Variants in ING3 observed in about 807,000 individuals in gnomAD.
ING3 encodes inhibitor of growth family member 3.
ING3 carries 6 observed loss-of-function variants against 64.8 expected under a neutral mutation model. That is an observed-to-expected ratio of 0.09 (90% confidence interval 0.05 to 0.18). The LOEUF is 0.18. ING3 is among the 10% of genes least tolerant of loss of function. ING3 has a pLI of 1.00. For missense variants in ING3, 310 were observed against 489.7 expected, an observed-to-expected ratio of 0.63 and a Z score of 3.46; for synonymous variants, 170 against 173.7, an observed-to-expected ratio of 0.98 and a Z score of 0.17.
chr7:120,971,968 T>A (rs1237885756), intron 10 of ING3, among the ~76,000 whole-genome samples: 1 of 152,144 alleles, frequency 6.6e-6, no homozygotes. Context: ...TTATGATTGT[T>A]TTAAATACAC....
At chr7:120,968,736 C>G (rs1448617526) in intron 8 of ING3, among the ~76,000 whole-genome samples, 1 of 150,784 alleles carries the variant, frequency 6.6e-6, no homozygotes, top group Non-Finnish European at 1.5e-5. Flanking sequence ...ATCCCAGCTA[C>G]TCGGTAGGCT....
intron 4 of ING3, chr7:120,956,661 G>A: frequency 1.0e-6 from 1 of 986,232 alleles, no homozygotes; most frequent in South Asian, 4.7e-5. Flanking sequence ...AGAATAGGCT[G>A]TAGCTTGATT....
intron 8 of ING3, 59 bp downstream of exon 8, chr7:120,968,150 T>A: frequency 6.8e-7 from 1 of 1,461,754 alleles, no homozygotes; most frequent in Non-Finnish European, 9.4e-7. Context: ...ATTGGAAACC[T>A]AATAGAAATA....
chr7:120,965,646 T>C (rs1795988030), intron 5 of ING3, among the ~76,000 whole-genome samples: 1 of 152,198 alleles, frequency 6.6e-6, no homozygotes. Flanking sequence ...TGTACCTGTT[T>C]CTACACACAG....
intron 2 of ING3, among the ~76,000 whole-genome samples, chr7:120,953,047 G>T (rs1228201843): frequency 6.6e-6 from 1 of 152,052 alleles, no homozygotes; most frequent in Non-Finnish European, 1.5e-5. Context: ...ATAGTATAGA[G>T]CCTATCTACT....
chr7:120,967,892 G>A, intron 7 of ING3, 42 bp from the exon 8 acceptor site: 13 of 1,598,026 alleles, frequency 8.1e-6, no homozygotes, highest in Non-Finnish European at 1.0e-5. Context: ...CTAACATTAT[G>A]TTCTCTGCAA....
In ING3 at chr7:120,974,852, C is replaced by A. The variant is rs767152365; in HGVS notation, c.*8C>A. ...GGCAGCAGACACAAATAAAGGTGGT[C>A]CTTTTGTTTGATGAAGAAATAAACT... On this transcript the variant is annotated 3_prime_UTR_variant, in exon 12 of 12. Coordinates refer to ENST00000315870, the MANE Select transcript of ING3 (RefSeq NM_019071.3). 35 of 1,564,910 alleles carry A rather than the reference C, an allele frequency of 2.2e-5. No homozygotes were observed. The highest frequency in any genetic ancestry group is 3.1e-5 in the Non-Finnish European group (35 of 1,143,792).
rs968780555 is a variant in ING3 at position 120,976,128 on chromosome 7, T to C, written c.*1284T>C. The C allele has an allele frequency of 6.6e-6, 1 of 152,180 alleles. No homozygotes were observed. The highest frequency in any genetic ancestry group is 2.4e-5 in the African/African-American group (1 of 41,446). The allele number at this position is 152,180 out of a possible 1,614,324, so 9.4% of individuals were successfully genotyped here. On this transcript the variant is annotated 3_prime_UTR_variant, in exon 12 of 12. Transcript: ENST00000315870. ...CTGCAGAATAGATCTTATTCTAAGG[T>C]GCTATTTAAATTATAAATTTGCATA...
Position 120,974,780 on chromosome 7 carries a change from A to G in ING3, c.1193A>G (p.Lys398Arg), listed in dbSNP as rs369549499. The G allele has an allele frequency of 5.0e-6, 8 of 1,613,030 alleles. No homozygotes were observed. Among genetic ancestry groups the G allele is most frequent in the Middle Eastern group, 1.6e-4 (1 of 6,076 alleles). Residue 398 changes from lysine (K) to arginine (R), a missense_variant, in exon 12 of 12, where the codon AAA becomes AGA. Physicochemically the swap from Lys to Arg is conservative, Grantham distance 26. This residue lies in a region of ING3 where 24 missense variants were observed against 84.1 expected (regional missense o/e 0.29). Transcript: ENST00000315870. ...TGCGTTGGATTGACAGAGGCACCAAAAGGCAAATGGTACTGTCCACAGTGC... is the reference window on the plus strand; with the variant it reads ...TGCGTTGGATTGACAGAGGCACCAAGAGGCAAATGGTACTGTCCACAGTGC... Reference protein sequence around the residue: ...YGCVGLTEAPKGKWYCPQCTA... With the variant: ...YGCVGLTEAPRGKWYCPQCTA...
At chr7:120,962,929 TC>T (rs1795952292) in intron 4 of ING3, among the ~76,000 whole-genome samples, 1 of 152,122 alleles carries the variant, frequency 6.6e-6, no homozygotes. Flanking sequence ...AAATTCTAAT[TC>T]CTATGAAGGC....
rs922243417 is a variant in ING3 at position 120,976,867 on chromosome 7, A to G, written c.*2023A>G. 6.6e-6 allele frequency: 1 copy of G among 152,212 alleles called. No individual in the cohort carries two copies. Among genetic ancestry groups the G allele is most frequent in the East Asian group, 1.9e-4 (1 of 5,198 alleles). 9.4% of individuals were successfully genotyped at this position (152,212 alleles called of 1,614,324 possible). A position where few individuals can be genotyped will look rare whatever the true frequency, so the allele number is the denominator to read the frequency against. Reference sequence around the variant, plus strand: ...TTATGAAGCATGTGTAAAGAAAGAAACCAAAATTTGGTGCAGGTATTTAGT... The same window carrying G: ...TTATGAAGCATGTGTAAAGAAAGAAGCCAAAATTTGGTGCAGGTATTTAGT... On this transcript the variant is annotated 3_prime_UTR_variant, in exon 12 of 12. Transcript: ENST00000315870.
chr7:120,968,865 A>AT, intron 8 of ING3, 146 bp from the exon 9 acceptor site: 1 of 481,862 alleles, frequency 2.1e-6, no homozygotes, highest in Non-Finnish European at 3.4e-6. Flanking sequence ...AAAAAAAAAA[A>AT]GCTTAAATTC....
At chr7:120,970,406 G>A (rs541863098) in intron 9 of ING3, among the ~76,000 whole-genome samples, 11 of 151,360 alleles carry the variant, frequency 7.3e-5, no homozygotes, top group Non-Finnish European at 1.2e-4. Context: ...TGGAGCTTGC[G>A]GTGTGCAGAG....
chr7:120,971,626 T>A (rs1476867401), intron 10 of ING3, among the ~76,000 whole-genome samples: 1 of 152,194 alleles, frequency 6.6e-6, no homozygotes, highest in African/African-American at 2.4e-5. Flanking sequence ...TTTAAGATCA[T>A]ATTTTTAATT....
chr7:120,955,372 G>A (rs1160705422), intron 3 of ING3, among the ~76,000 whole-genome samples, 187 bp from the exon 4 acceptor site: 6 of 152,074 alleles, frequency 3.9e-5, no homozygotes, highest in Non-Finnish European at 7.4e-5. Context: ...CAAGTCATCC[G>A]TCCTCCTTGG....
In ING3 at chr7:120,974,869, A is replaced by G. The variant is rs200290830; in HGVS notation, c.*25A>G. ...AAGGTGGTCCTTTTGTTTGATGAAGAAATAAACTTCAGCTGAAGATTTTAT... is the reference window on the plus strand; with the variant it reads ...AAGGTGGTCCTTTTGTTTGATGAAGGAATAAACTTCAGCTGAAGATTTTAT... On this transcript the variant is annotated 3_prime_UTR_variant, in exon 12 of 12. Coordinates refer to ENST00000315870, the MANE Select transcript of ING3 (RefSeq NM_019071.3). The G allele has an allele frequency of 3.1e-3, 4,579 of 1,499,302 alleles. 20 individuals are homozygous for G. The highest frequency in any genetic ancestry group is 0.011 in the South Asian group (963 of 85,228). The allele number at this position is 1,499,302 out of a possible 1,614,324, so 92.9% of individuals were successfully genotyped here.
At chr7:120,953,455 A>G in intron 3 of ING3, 51 bp downstream of exon 3, 1 of 1,088,880 alleles carries the variant, frequency 9.2e-7, no homozygotes, top group Non-Finnish European at 1.4e-6. Flanking sequence ...GACCCTCTGA[A>G]AAAGATATTT....
chr7:120,973,175 T>C, intron 10 of ING3, 30 bp from the exon 11 acceptor site: 1 of 1,310,696 alleles, frequency 7.6e-7, no homozygotes, highest in Non-Finnish European at 1.1e-6. Flanking sequence ...TACATAGTCA[T>C]AATAAAGACA....
At chr7:120,952,164 A>T (rs1247467543) in intron 2 of ING3, among the ~76,000 whole-genome samples, 4 of 152,204 alleles carry the variant, frequency 2.6e-5, no homozygotes, top group African/African-American at 9.7e-5. Context: ...CTATCTCACA[A>T]ATTCATTTTA....
Sources: allele counts gnomAD v4.1 joint callset (sites outside exome capture counted in the v4.1 genomes callset), GRCh38; gene constraint gnomAD v4.1.1; regional missense constraint gnomAD v4.1.1; transcripts MANE v1.5; gene names NCBI Gene and HGNC (gene_info 2026-07-23, HGNC 2026-07-21).